P4HA1: variants seen among roughly 807,000 people sequenced by gnomAD.
The protein encoded by P4HA1 is prolyl 4-hydroxylase subunit alpha-1.
Under a neutral mutation model 72.8 loss-of-function variants are expected in P4HA1, and 24 were observed. The ratio of observed to expected loss-of-function variants is 0.33; its 90% CI spans 0.24 to 0.46. The LOEUF is 0.46. P4HA1 is among the 20% of genes least tolerant of loss of function. The pLI is 1.00. For missense variants in P4HA1, 446 were observed against 640.6 expected, an observed-to-expected ratio of 0.70 and a Z score of 3.28; for synonymous variants, 201 against 218.8, an observed-to-expected ratio of 0.92 and a Z score of 0.72.
At chr10:73,021,502 C>A (rs1322616015) in intron 10 of P4HA1, among the ~76,000 whole-genome samples, 1 of 152,190 alleles carries the variant, frequency 6.6e-6, no homozygotes, top group East Asian at 1.9e-4. Flanking sequence ...AGAATGTAAT[C>A]TTATCACATG....
At chr10:73,074,515 CAGT>C (rs1053723801) in intron 2 of P4HA1, among the ~76,000 whole-genome samples, 1 of 151,804 alleles carries the variant, frequency 6.6e-6, no homozygotes, top group Non-Finnish European at 1.5e-5. Flanking sequence ...CTTGTGTTCA[CAGT>C]AGATTAAGTG....
intron 10 of P4HA1, among the ~76,000 whole-genome samples, chr10:73,029,325 C>T (rs938407686): frequency 6.6e-6 from 1 of 150,532 alleles, no homozygotes. Flanking sequence ...GCAGGAGAAT[C>T]GCTTGAACCA....
At chr10:73,079,138 A>G (rs1201961211) in intron 1 of P4HA1, among the ~76,000 whole-genome samples, 2 of 152,138 alleles carry the variant, frequency 1.3e-5, no homozygotes, top group Non-Finnish European at 2.9e-5. Flanking sequence ...AAGCCTCTAC[A>G]TTTCACTTTC....
Position 73,094,068 on chromosome 10 carries a change from T to G in P4HA1, c.-33+2698A>C, listed in dbSNP as rs539907409. Among the ~76,000 whole-genome samples the G allele has an allele frequency of 4.2e-3, 639 of 151,660 alleles. 4 individuals carry two copies. The highest frequency in any genetic ancestry group is 0.014 in the African/African-American group (597 of 41,370). ...GCCAAGAGCCTATGCAATTTATTTT[T>G]GTTTACTTCCAAGCCTGTTCCACTT... is the stretch of plus-strand genomic sequence containing the variant. On this transcript the variant is annotated intron_variant, in intron 1 of 14. Coordinates refer to ENST00000394890, the MANE Select transcript of P4HA1 (RefSeq NM_001017962.3).
intron 5 of P4HA1, among the ~76,000 whole-genome samples, chr10:73,058,327 G>A (rs117363380): frequency 1.2e-3 from 184 of 152,166 alleles, no homozygotes; most frequent in Non-Finnish European, 2.0e-3. Context: ...TCAGTCCCAC[G>A]AATGCCTGCT....
chr10:73,027,149 G>A (rs568888037), intron 10 of P4HA1, among the ~76,000 whole-genome samples: 9 of 152,216 alleles, frequency 5.9e-5, no homozygotes, highest in Middle Eastern at 3.4e-3. Context: ...ACATATACAC[G>A]TATGTTTACT....
chr10:73,011,152 T>C (rs1839903003), intron 12 of P4HA1, 115 bp from the exon 13 acceptor site: 1 of 761,106 alleles, frequency 1.3e-6, no homozygotes. Context: ...CTTGTTCTTA[T>C]ATAGCATGGT....
chr10:73,085,154 T>C (rs1176079234), intron 1 of P4HA1, among the ~76,000 whole-genome samples: 1 of 149,610 alleles, frequency 6.7e-6, no homozygotes, highest in Non-Finnish European at 1.5e-5. Flanking sequence ...AAAAAAAAAA[T>C]TATTTTCATA....
intron 1 of P4HA1, among the ~76,000 whole-genome samples, chr10:73,084,093 C>G (rs1429929055): frequency 1.3e-5 from 2 of 152,156 alleles, no homozygotes; most frequent in Non-Finnish European, 2.9e-5. Context: ...CCCTTTTGTT[C>G]CCAAACAAAT....
chr10:73,076,396 A>G (rs186259886), intron 1 of P4HA1, among the ~76,000 whole-genome samples: 240 of 151,354 alleles, frequency 1.6e-3, no homozygotes, highest in African/African-American at 5.5e-3. Context: ...AGAATCCAAA[A>G]CGAATAAACA....
At chr10:73,019,915 C>T (rs1306529350) in intron 10 of P4HA1, among the ~76,000 whole-genome samples, 1 of 151,700 alleles carries the variant, frequency 6.6e-6, no homozygotes, top group African/African-American at 2.4e-5. Context: ...ACTTCTGGGA[C>T]ACCATTAAAC....
chr10:73,087,327 G>A (rs1841944003), intron 1 of P4HA1, among the ~76,000 whole-genome samples: 1 of 147,300 alleles, frequency 6.8e-6, no homozygotes, highest in Admixed American at 6.8e-5. Flanking sequence ...GGAATGCAGT[G>A]GCACAATCTT....
At chr10:73,064,900 G>A (rs762920629) in intron 5 of P4HA1, among the ~76,000 whole-genome samples, 15 of 151,874 alleles carry the variant, frequency 9.9e-5, no homozygotes, top group Admixed American at 2.6e-4. Flanking sequence ...GACATCATCC[G>A]TTAAACTGAG....
intron 1 of P4HA1, among the ~76,000 whole-genome samples, chr10:73,091,241 G>A (rs891418996): frequency 1.3e-5 from 2 of 151,898 alleles, no homozygotes; most frequent in East Asian, 3.9e-4. Flanking sequence ...CAAGAACAAA[G>A]GTCACACACA....
intron 9 of P4HA1, among the ~76,000 whole-genome samples, chr10:73,035,580 A>G (rs1381965578): frequency 2.0e-5 from 3 of 152,326 alleles, no homozygotes; most frequent in Admixed American, 1.3e-4. Flanking sequence ...AAGTCTACCA[A>G]TTAAGTACTG....
intron 9 of P4HA1, among the ~76,000 whole-genome samples, chr10:73,036,258 A>T (rs1315567703): frequency 2.0e-5 from 3 of 147,008 alleles, no homozygotes; most frequent in Admixed American, 6.8e-5. Flanking sequence ...ATTGTAGGTT[A>T]AAAAAAAAAT....
intron 7 of P4HA1, among the ~76,000 whole-genome samples, chr10:73,050,381 G>A (rs919475461): frequency 6.6e-6 from 1 of 151,748 alleles, no homozygotes; most frequent in African/African-American, 2.4e-5. Context: ...CCCACAGAGA[G>A]AGAATGGTAT....
intron 11 of P4HA1, among the ~76,000 whole-genome samples, chr10:73,014,782 T>C (rs919403753): frequency 6.6e-6 from 1 of 152,114 alleles, no homozygotes; most frequent in Non-Finnish European, 1.5e-5. Context: ...TGAGACTTAC[T>C]TTGAACTCAC....
At position 73,072,085 on chromosome 10, in the gene P4HA1, C is replaced by T. The variant is rs1459923410; in HGVS notation, c.269G>A (p.Arg90His). The T allele has an allele frequency of 1.9e-6, 3 of 1,612,792 alleles. No individual in the cohort carries two copies. The highest frequency in any genetic ancestry group is 2.7e-5 in the African/African-American group (2 of 74,904). The change falls in exon 4 of 15, where the codon CGT (arginine) becomes CAT (histidine). Residue 90 changes from arginine (R) to histidine (H), a missense_variant. By Grantham distance (29) the Arg-to-His change is conservative. Transcript: ENST00000394890. ...HPVNAFKLMK[R>H]LNTEWSELEN... Reference sequence around the variant, plus strand: ...CAACTCACTCCACTCAGTATTCAGACGTTTCATTAATTTGAATGCATTTAC... The same window carrying T: ...CAACTCACTCCACTCAGTATTCAGATGTTTCATTAATTTGAATGCATTTAC...
Sources: gnomAD v4.1 joint callset for allele counts (sites outside exome capture counted in the v4.1 genomes callset) on GRCh38, gnomAD v4.1.1 for gene constraint, MANE v1.5 for transcripts, NCBI Gene and HGNC (gene_info 2026-07-23, HGNC 2026-07-21) for gene names.